Variants in XPO1 observed in about 807,000 individuals in gnomAD.
XPO1 encodes exportin 1.
Under a neutral mutation model 133.3 loss-of-function variants are expected in XPO1, and 5 were observed. That is an observed-to-expected ratio of 0.04 (90% CI 0.02 to 0.08). The LOEUF (loss-of-function observed/expected upper bound fraction) is 0.08. Among genes scored for constraint, XPO1 ranks in the 10% least tolerant of loss-of-function variants. XPO1 has a pLI of 1.00. For missense variants in XPO1, 506 were observed against 1,267.5 expected, an observed-to-expected ratio of 0.40 and a Z score of 9.12; for synonymous variants, 419 against 408.2, an observed-to-expected ratio of 1.03 and a Z score of -0.32.
Position 61,495,510 on chromosome 2 carries a change from T to G in XPO1, c.992A>C (p.Lys331Thr). 3 of 1,588,248 alleles carry G rather than the reference T, an allele frequency of 1.9e-6. No homozygotes were observed. Among genetic ancestry groups the G allele is most frequent in the Non-Finnish European group, 1.7e-6 (2 of 1,163,524 alleles). ...TTTTTCTATAAGTTGATCATGTTCC[T>G]TAAGAAAGGTGCAGAGAAACAAACT... ...NLSLFLCTFL[K>T]EHDQLIEKRL... Residue 331 changes from lysine to threonine, a missense_variant, in exon 11 of 25, where the codon AAG becomes ACG. Lys to Thr is a moderately conservative substitution (Grantham distance 78). Transcript: ENST00000401558.
intron 2 of XPO1, among the ~76,000 whole-genome samples, chr2:61,532,627 G>C (rs1326041522): frequency 6.7e-6 from 1 of 149,988 alleles, no homozygotes; most frequent in Admixed American, 6.6e-5. Flanking sequence ...CACGAGGTCA[G>C]GAGATGGAGA....
chr2:61,526,528 T>C lies in XPO1; in HGVS notation c.127-7A>G. 3 of 1,549,374 alleles carry C rather than the reference T, an allele frequency of 1.9e-6. No individual in the cohort carries two copies. The highest frequency in any genetic ancestry group is 2.6e-6 in the Non-Finnish European group (3 of 1,156,970). ...CTTCTTGAGCCATTCTTTGCTAAAA[T>C]ATTATTAAAAAAAACAAAACTTAAG... On this transcript the variant is annotated splice_polypyrimidine_tract_variant and splice_region_variant and intron_variant, in intron 2 of 24. Transcript: ENST00000401558.
At position 61,490,622 on chromosome 2, in the gene XPO1, GA is replaced by G; in HGVS notation, c.2022+19del. 1 of 1,613,446 alleles carries G rather than the reference GA, an allele frequency of 6.2e-7. No individual in the cohort carries two copies. The highest frequency in any genetic ancestry group is 8.5e-7 in the Non-Finnish European group (1 of 1,179,862). ...TGTTAAATCCCATGAAAACTTTTAA[GA>G]AAAGGTAGAAATACTTACTTTGGTT... is the stretch of plus-strand genomic sequence containing the variant. On this transcript the variant is annotated intron_variant, in intron 17 of 24. Coordinates refer to ENST00000401558, the MANE Select transcript of XPO1 (RefSeq NM_003400.4).
chr2:61,479,194 T>C (rs1244082040), intron 24 of XPO1, among the ~76,000 whole-genome samples: 1 of 152,116 alleles, frequency 6.6e-6, no homozygotes, highest in African/African-American at 2.4e-5. Flanking sequence ...GGCCCCGGCA[T>C]GGTGGCTCAC....
rs190358631 is a variant in XPO1 at position 61,497,719 on chromosome 2, A to T, written c.760-712T>A. On this transcript the variant is annotated intron_variant, in intron 9 of 24. Coordinates refer to ENST00000401558, the MANE Select transcript of XPO1 (RefSeq NM_003400.4). The stretch of plus-strand genomic sequence containing the variant: ...TTGGCTTATATATTCTATTGTTGAG[A>T]AGATAAACAGTTATCGTCTGGGGTT... Among the ~76,000 whole-genome samples, 904 of 152,320 alleles carry T rather than the reference A, an allele frequency of 5.9e-3. 5 individuals are homozygous for T. The highest frequency in any genetic ancestry group is 0.021 in the African/African-American group (881 of 41,558).
intron 20 of XPO1, 126 bp downstream of exon 20, chr2:61,485,642 A>G: frequency 2.2e-6 from 2 of 889,532 alleles, no homozygotes; most frequent in Non-Finnish European, 3.3e-6. Flanking sequence ...TTTCCCTAAT[A>G]TACAAGTTTA....
intron 4 of XPO1, among the ~76,000 whole-genome samples, chr2:61,511,187 A>C (rs542425174): frequency 2.6e-5 from 4 of 152,160 alleles, no homozygotes; most frequent in African/African-American, 9.6e-5. Flanking sequence ...GCAATGGCGC[A>C]ATCTCGGCTC....
At chr2:61,495,160 T>C (rs78327407) in intron 11 of XPO1, among the ~76,000 whole-genome samples, 4 of 152,094 alleles carry the variant, frequency 2.6e-5, no homozygotes, top group Non-Finnish European at 4.4e-5. Flanking sequence ...TGCATGTTAT[T>C]TGAATTAAAA....
chr2:61,520,483 A>G (rs1698635694), intron 4 of XPO1, among the ~76,000 whole-genome samples: 1 of 151,770 alleles, frequency 6.6e-6, no homozygotes, highest in African/African-American at 2.4e-5. Context: ...TCCCTACAAA[A>G]CATTAAAAAA....
At chr2:61,491,979 C>A in intron 16 of XPO1, 56 bp downstream of exon 16, 1 of 1,585,338 alleles carries the variant, frequency 6.3e-7, no homozygotes, top group Middle Eastern at 1.8e-4. Context: ...TTGATACATA[C>A]AGATTGATAC....
In XPO1 at chr2:61,498,859, A is replaced by G. The variant is rs778096383; in HGVS notation, c.639+6T>C. ...TGTTTTTAAAAATGAAATTAAAAAC[A>G]CTTACCATTACAAACTGACACAGTT... is the stretch of plus-strand genomic sequence containing the variant. On this transcript the variant is annotated splice_donor_region_variant and intron_variant, in intron 8 of 24. Transcript: ENST00000401558. 1.9e-6 allele frequency: 3 copies of G among 1,605,742 alleles called. No homozygotes were observed. The South Asian group carries it at 3.4e-5, about 18-fold the overall frequency.
intron 4 of XPO1, among the ~76,000 whole-genome samples, chr2:61,518,345 G>T (rs1019887195): frequency 6.6e-6 from 1 of 151,506 alleles, no homozygotes; most frequent in Non-Finnish European, 1.5e-5. Context: ...GAGGTCAGGA[G>T]ATCGAGACCA....
At position 61,492,312 on chromosome 2, in the gene XPO1, G is replaced by T. The variant is rs1697038573; in HGVS notation, c.1723+13C>A. The stretch of plus-strand genomic sequence containing the variant: ...AAAAATAAAAGCAAAATATAGTAAA[G>T]AAAGAGATTTACCATGCATGAATTC... On this transcript the variant is annotated intron_variant, in intron 15 of 24. Coordinates refer to ENST00000401558, the MANE Select transcript of XPO1 (RefSeq NM_003400.4). The surrounding 1 kb of genome is among the most constrained non-coding windows in gnomAD (Gnocchi z 5.6). 1 of 1,584,098 alleles carries T rather than the reference G, an allele frequency of 6.3e-7. No homozygotes were observed. The highest frequency in any genetic ancestry group is 8.5e-7 in the Non-Finnish European group (1 of 1,171,854).
rs776292850 is a variant in XPO1, at chr2:61,478,978, G to T, written c.3070-12C>A. On this transcript the variant is annotated splice_polypyrimidine_tract_variant and intron_variant, in intron 24 of 24. Transcript: ENST00000401558. Reference sequence around the variant, plus strand: ...TCACCTGCAAATTCCTGTGAAAACAGATAGTTGAAATGTCAACGCAATAAA... The same window carrying T: ...TCACCTGCAAATTCCTGTGAAAACATATAGTTGAAATGTCAACGCAATAAA... The T allele has an allele frequency of 1.2e-6, 2 of 1,609,074 alleles. No homozygotes were observed. The highest frequency in any genetic ancestry group is 4.5e-5 in the East Asian group (2 of 44,814).
chr2:61,525,895 C>A, intron 3 of XPO1: 4 of 1,047,248 alleles, frequency 3.8e-6, no homozygotes, highest in Non-Finnish European at 4.6e-6. Flanking sequence ...AATCATCAAG[C>A]CTAAAACAGA....
intron 1 of XPO1, among the ~76,000 whole-genome samples, chr2:61,535,604 C>T (rs963223995): frequency 1.3e-5 from 2 of 152,114 alleles, no homozygotes; most frequent in Non-Finnish European, 2.9e-5. Context: ...TTAAATATAA[C>T]GTCTGTTACA....
At chr2:61,483,410 AG>A (rs1696503053) in intron 21 of XPO1, 1 of 246,828 alleles carries the variant, frequency 4.1e-6, no homozygotes, top group African/African-American at 2.3e-5. Context: ...CATAAGGTGG[AG>A]TTCATACACA....
At chr2:61,500,591 A>AAAAAAAAAAAAAAG (rs1472301398) in intron 6 of XPO1, among the ~76,000 whole-genome samples, 3 of 147,180 alleles carry the variant, frequency 2.0e-5, no homozygotes, top group Non-Finnish European at 3.0e-5. Flanking sequence ...AAAAAAAAAA[A>AAAAAAAAAAAAAAG]AAAAAAAGAG....
In XPO1 at chr2:61,496,735, T is replaced by G. The variant is rs746973614; in HGVS notation, c.888+144A>C. 7 of 1,042,292 alleles carry G rather than the reference T, an allele frequency of 6.7e-6. No homozygotes were observed. In the African/African-American group the frequency reaches 1.0e-4, roughly 15 times the overall value. The allele number at this position is 1,042,292 out of a possible 1,614,324, so 64.6% of individuals were successfully genotyped here. A position where few individuals can be genotyped will look rare whatever the true frequency, so the allele number is the denominator to read the frequency against. On this transcript the variant is annotated intron_variant, in intron 10 of 24. Coordinates refer to ENST00000401558, the MANE Select transcript of XPO1 (RefSeq NM_003400.4). ...AAATTTTTGGAAACATCATAAAAAT[T>G]TGTAGCTTACTACAAATTTTATGTA...
Sources: allele counts gnomAD v4.1 joint callset (sites outside exome capture counted in the v4.1 genomes callset), GRCh38; gene constraint gnomAD v4.1.1; non-coding constraint Gnocchi (gnomAD v3.1); transcripts MANE v1.5; gene names NCBI Gene and HGNC (gene_info 2026-07-23, HGNC 2026-07-21).